Variants in NDEL1 observed in about 807,000 individuals in gnomAD.
The protein encoded by NDEL1 is nuclear distribution protein nudE-like 1.
Under a neutral mutation model 45.7 loss-of-function variants are expected in NDEL1, and 9 were observed. The observed-to-expected ratio is 0.20, with a 90% CI of 0.12 to 0.34. The LOEUF is 0.34. Ranked by LOEUF, NDEL1 falls within the 10% of genes least tolerant of loss-of-function variation. NDEL1 has a pLI of 1.00. For synonymous variants in NDEL1, 133 were observed against 158.6 expected (o/e 0.84, Z 1.21); for missense variants, 306 against 406.2 (o/e 0.75, Z 2.12).
At chr17:8,434,471 C>T (rs1909123854), upstream of NDEL1, among the ~76,000 whole-genome samples, 3 of 152,124 alleles carry the variant, frequency 2.0e-5, no homozygotes, top group South Asian at 6.2e-4. Flanking sequence ...CCCGCCTCGG[C>T]TTCCCAAAGT....
At chr17:8,464,140 C>G (rs756884589) in intron 8 of NDEL1, 1 of 152,294 alleles carries the variant, frequency 6.6e-6, no homozygotes, top group African/African-American at 2.4e-5. Context: ...ACTTCTTCCA[C>G]TGACATTTTA....
chr17:8,452,330 C>T (rs888085732), intron 6 of NDEL1, among the ~76,000 whole-genome samples: 1 of 152,182 alleles, frequency 6.6e-6, no homozygotes, highest in Non-Finnish European at 1.5e-5. Flanking sequence ...GTGACACCCA[C>T]AGGTGGTGCA....
At chr17:8,450,140 T>A (rs1168985512) in intron 5 of NDEL1, among the ~76,000 whole-genome samples, 4 of 151,280 alleles carry the variant, frequency 2.6e-5, no homozygotes, top group Admixed American at 6.6e-5. Flanking sequence ...AAAAAAAAAA[T>A]TAGCTGGGTG....
At chr17:8,441,798 A>G (rs1909753829) in intron 1 of NDEL1, among the ~76,000 whole-genome samples, 1 of 152,082 alleles carries the variant, frequency 6.6e-6, no homozygotes, top group Non-Finnish European at 1.5e-5. Flanking sequence ...TTGCAGCCCT[A>G]GGTTGGAGCC....
chr17:8,458,867 C>CA (rs1039654695), intron 7 of NDEL1, among the ~76,000 whole-genome samples: 6 of 152,118 alleles, frequency 3.9e-5, no homozygotes, highest in African/African-American at 1.4e-4. Context: ...GCTGGGATTA[C>CA]AGGTGCATGC....
intron 2 of NDEL1, among the ~76,000 whole-genome samples, chr17:8,445,227 C>A (rs1345515071): frequency 1.3e-5 from 2 of 152,158 alleles, no homozygotes; most frequent in African/African-American, 4.8e-5. Flanking sequence ...GTAACATGTA[C>A]TTCTCTATTA....
intron 5 of NDEL1, among the ~76,000 whole-genome samples, chr17:8,449,239 C>T (rs1305318492): frequency 3.9e-5 from 6 of 152,320 alleles, no homozygotes; most frequent in African/African-American, 1.4e-4. Flanking sequence ...CCTTGGCCTC[C>T]CAAAATGCTG....
intron 1 of NDEL1, among the ~76,000 whole-genome samples, chr17:8,420,542 C>T (rs781436455): frequency 6.6e-6 from 1 of 152,212 alleles, no homozygotes; most frequent in African/African-American, 2.4e-5. Context: ...TACAAAGTCA[C>T]CACTGGCCAC....
At chr17:8,425,019 A>T (rs1241912341) in intron 1 of NDEL1, among the ~76,000 whole-genome samples, 1 of 152,140 alleles carries the variant, frequency 6.6e-6, no homozygotes, top group African/African-American at 2.4e-5. Flanking sequence ...GCTTACCAAG[A>T]ACTGTGACAT....
At chr17:8,441,062 C>G (rs763039550) in intron 1 of NDEL1, among the ~76,000 whole-genome samples, 46 of 152,184 alleles carry the variant, frequency 3.0e-4, no homozygotes, top group Non-Finnish European at 4.1e-4. Flanking sequence ...TCATGGGCCA[C>G]ACTACTAGCA....
downstream of NDEL1, among the ~76,000 whole-genome samples, chr17:8,470,559 C>G (rs1911810113): frequency 1.3e-5 from 2 of 152,200 alleles, no homozygotes; most frequent in Non-Finnish European, 2.9e-5. The surrounding 1 kb of genome is among the most constrained non-coding windows in gnomAD (Gnocchi z 4.2). Context: ...CCTGCAAGAA[C>G]TATACAGAGG....
upstream of NDEL1, among the ~76,000 whole-genome samples, chr17:8,430,862 G>C (rs558742957): frequency 3.3e-5 from 5 of 152,194 alleles, no homozygotes; most frequent in South Asian, 2.1e-4. Context: ...TGGGGCAAAG[G>C]TTGCTGATGG....
At chr17:8,432,277 T>C (rs1909017929), upstream of NDEL1, 1 of 144,092 alleles carries the variant, frequency 6.9e-6, no homozygotes, top group Non-Finnish European at 1.5e-5. Flanking sequence ...CATTATTAAC[T>C]GAAGAAAAAT....
At chr17:8,457,240 C>T (rs1042465334) in intron 7 of NDEL1, among the ~76,000 whole-genome samples, 3 of 152,150 alleles carry the variant, frequency 2.0e-5, no homozygotes, top group Non-Finnish European at 4.4e-5. Flanking sequence ...TGTGGGATGC[C>T]CTGATGGGCT....
chr17:8,461,716 G>T (rs965875066), intron 8 of NDEL1, among the ~76,000 whole-genome samples: 3 of 152,194 alleles, frequency 2.0e-5, no homozygotes, highest in Non-Finnish European at 4.4e-5. Flanking sequence ...TCCCCTGAAT[G>T]ATATGGAGAA....
At chr17:8,472,160 C>T (rs1911851633), downstream of NDEL1, among the ~76,000 whole-genome samples, 2 of 152,162 alleles carry the variant, frequency 1.3e-5, no homozygotes, top group South Asian at 2.1e-4. Context: ...TCAGCAGCAC[C>T]GGCCTCTGGG....
At chr17:8,470,362 G>A (rs1056212931), downstream of NDEL1, among the ~76,000 whole-genome samples, 2 of 152,108 alleles carry the variant, frequency 1.3e-5, no homozygotes, top group Non-Finnish European at 2.9e-5. The surrounding 1 kb of genome is among the most constrained non-coding windows in gnomAD (Gnocchi z 4.2). Context: ...CCGGGTGGTG[G>A]ACAGCTTCTT....
Position 8,428,333 on chromosome 17 carries a change from T to G in NDEL1, c.-13+15064T>G, listed in dbSNP as rs976749198. On this transcript the variant is annotated intron_variant, in intron 1 of 4. Transcript: ENST00000582812. ...GGCTCAAGTGTGTGTGGTGTGTGTG[T>G]GTGTGTGTGTGTGTGTGTGTGTGTG... Among the ~76,000 whole-genome samples, 3 of 75,414 alleles carry G rather than the reference T, an allele frequency of 4.0e-5. 1 individual carries two copies. Among genetic ancestry groups the G allele is most frequent in the Admixed American group, 2.9e-4 (2 of 6,836 alleles). 49.5% of individuals were successfully genotyped at this position (75,414 alleles called of 152,430 possible). A position where few individuals can be genotyped will look rare whatever the true frequency, so the allele number is the denominator to read the frequency against.
intron 4 of NDEL1, 117 bp from the exon 5 acceptor site, chr17:8,448,431 GAT>G (rs763208828): frequency 3.0e-5 from 32 of 1,068,782 alleles, no homozygotes; most frequent in Non-Finnish European, 4.1e-5. Context: ...CATCTTCTTT[GAT>G]TGGGGCCAGG....
Sources: gnomAD v4.1 joint callset for allele counts (sites outside exome capture counted in the v4.1 genomes callset) on GRCh38, gnomAD v4.1.1 for gene constraint, Gnocchi (gnomAD v3.1) non-coding constraint, MANE v1.5 for transcripts, NCBI Gene and HGNC (gene_info 2026-07-23, HGNC 2026-07-21) for gene names.